Variants in LTF observed in about 807,000 individuals in gnomAD.
The protein encoded by LTF is epididymis luminal protein 110.
LTF carries 91 observed loss-of-function variants against 87.2 expected under a neutral mutation model. That is an observed-to-expected ratio of 1.04 (90% CI 0.88 to 1.24). LTF has a LOEUF of 1.24. Among genes scored for constraint, LTF ranks in the 50% most tolerant of loss-of-function variants. The probability of loss-of-function intolerance (pLI) is 0.00; values close to 1 mark genes in which losing one functional copy is unlikely to be tolerated. For synonymous variants in LTF, 378 were observed against 356.1 expected (o/e 1.06, Z -0.69); for missense variants, 901 against 904.3 (o/e 1.00, Z 0.05).
chr3:46,454,113 G>C (rs960913932), intron 6 of LTF, 192 bp downstream of exon 6: 1 of 606,320 alleles, frequency 1.6e-6, no homozygotes, highest in Non-Finnish European at 3.0e-6. Flanking sequence ...GAAGAGAAAG[G>C]CAGTAGGCAC....
chr3:46,464,459 TCCTTGAGCTAGTCGCTCAC>T (rs1420685501), intron 1 of LTF, among the ~76,000 whole-genome samples: 2 of 152,058 alleles, frequency 1.3e-5, no homozygotes, highest in Non-Finnish European at 2.9e-5. Context: ...TGGACTAGGG[TCCTTGAGCTAGTCGCTCAC>T]CCTCTCTGAG....
chr3:46,440,419 A>G (rs1702491106), intron 14 of LTF, among the ~76,000 whole-genome samples: 2 of 152,244 alleles, frequency 1.3e-5, no homozygotes, highest in Admixed American at 6.5e-5. Context: ...TACCGGAGAA[A>G]GTTAAAATTA....
rs1417177110 is a variant in LTF, at chr3:46,447,302, A to G, written c.1303+6T>C. 1 of 1,612,502 alleles carries G rather than the reference A, an allele frequency of 6.2e-7. No homozygotes were observed. The highest frequency in any genetic ancestry group is 8.5e-7 in the Non-Finnish European group (1 of 1,178,480). The stretch of plus-strand genomic sequence containing the variant: ...GAATATACCAGAGGATGCTAACTCC[A>G]CTTACTGTAGTTCTCTGCCAGGACA... On this transcript the variant is annotated splice_donor_region_variant and intron_variant, in intron 10 of 16. Transcript: ENST00000231751.
At chr3:46,439,909 CAA>C (rs10717285) in intron 14 of LTF, among the ~76,000 whole-genome samples, 2 of 145,196 alleles carry the variant, frequency 1.4e-5, no homozygotes, top group African/African-American at 2.5e-5. Context: ...GACCTCATCT[CAA>C]AAAAAAAAAC....
chr3:46,477,934 A>T, intron 1 of LTF, among the ~76,000 whole-genome samples: 1 of 152,082 alleles, frequency 6.6e-6, no homozygotes, highest in East Asian at 1.9e-4. Flanking sequence ...AGGCAAGTTC[A>T]CCCTACAGGG....
intron 13 of LTF, 39 bp from the exon 14 acceptor site, chr3:46,441,522 A>G (rs956340444): frequency 7.0e-7 from 1 of 1,429,964 alleles, no homozygotes; most frequent in Non-Finnish European, 9.8e-7. Context: ...ATTACAGAAG[A>G]GAAACTAGTG....
upstream of LTF, among the ~76,000 whole-genome samples, chr3:46,469,091 C>T (rs1170340076): frequency 1.3e-5 from 2 of 152,200 alleles, no homozygotes; most frequent in Non-Finnish European, 2.9e-5. Context: ...ATTTTAAAAT[C>T]CAAATAGTGC....
intron 4 of LTF, 44 bp downstream of exon 4, chr3:46,455,752 G>C (rs1431365843): frequency 9.2e-6 from 14 of 1,523,520 alleles, no homozygotes; most frequent in East Asian, 4.5e-5. Flanking sequence ...AACTGGAATA[G>C]AGCCCCCTGC....
chr3:46,441,165 G>C (rs1175283950), intron 14 of LTF, among the ~76,000 whole-genome samples: 1 of 132,144 alleles, frequency 7.6e-6, no homozygotes, highest in East Asian at 2.4e-4. Flanking sequence ...GTATCTGTGT[G>C]TGTGAGAGTG....
upstream of LTF, among the ~76,000 whole-genome samples, chr3:46,465,606 T>C (rs1375118577): frequency 3.3e-5 from 5 of 152,208 alleles, no homozygotes; most frequent in Non-Finnish European, 5.9e-5. Context: ...CCACTTTTTT[T>C]TTTTTTTGTC....
intron 6 of LTF, among the ~76,000 whole-genome samples, chr3:46,453,474 C>A (rs1340945479): frequency 6.6e-6 from 1 of 151,280 alleles, no homozygotes; most frequent in Non-Finnish European, 1.5e-5. Context: ...AATGCGGGGT[C>A]TGTCTCTGAT....
chr3:46,448,322 G>C (rs886384697), intron 9 of LTF, among the ~76,000 whole-genome samples: 2 of 151,174 alleles, frequency 1.3e-5, no homozygotes, highest in Non-Finnish European at 2.9e-5. Context: ...AGATGTGGTC[G>C]CACCACTGCA....
intron 13 of LTF, chr3:46,441,721 G>A: frequency 2.2e-6 from 1 of 452,504 alleles, no homozygotes. Flanking sequence ...TGCGACCCAG[G>A]AAACAGGCAA....
At chr3:46,436,967 TTG>T (rs879886239) in intron 16 of LTF, among the ~76,000 whole-genome samples, 47 of 152,238 alleles carry the variant, frequency 3.1e-4, no homozygotes, top group Non-Finnish European at 4.0e-4. Context: ...GCTTCTCACA[TTG>T]TCAAATATCC....
At chr3:46,481,398 G>A (rs564194938) in intron 1 of LTF, among the ~76,000 whole-genome samples, 2 of 152,300 alleles carry the variant, frequency 1.3e-5, no homozygotes, top group East Asian at 3.9e-4. Context: ...GTTCACACTT[G>A]TAATCCCAGC....
chr3:46,472,525 TGTGAGAGAGA>T (rs1559611699), intron 1 of LTF, among the ~76,000 whole-genome samples: 1 of 141,274 alleles, frequency 7.1e-6, no homozygotes. Context: ...TGTGTGTGTG[TGTGAGAGAGA>T]GAGAGAGAGA....
intron 9 of LTF, among the ~76,000 whole-genome samples, chr3:46,447,725 T>C (rs541362392): frequency 3.3e-5 from 5 of 152,270 alleles, no homozygotes; most frequent in African/African-American, 1.2e-4. Flanking sequence ...AGGACACAGA[T>C]GGGAACAGCT....
rs1462460887 is a variant in LTF, at chr3:46,439,351, A to G, written c.1853T>C (p.Val618Ala). 1.2e-6 allele frequency: 2 copies of G among 1,614,222 alleles called. No individual in the cohort carries two copies. Among genetic ancestry groups the G allele is most frequent in the Non-Finnish European group, 1.7e-6 (2 of 1,180,032 alleles). The change falls in exon 15 of 17, where the codon GTG becomes GCG. Residue 618 changes from valine (V) to alanine (A), a missense_variant. Physicochemically the swap from Val to Ala is moderately conservative, Grantham distance 64 (BLOSUM62 0). Transcript: ENST00000231751. ...CHLAMAPNHA[V>A]VSRMDKVERL... ...TTCCACCTTATCCATCCGAGACACC[A>G]CGGCATGATTCGGGGCCATGGCAAG...
intron 1 of LTF, among the ~76,000 whole-genome samples, chr3:46,474,576 T>C (rs1703334859): frequency 1.3e-5 from 2 of 152,184 alleles, no homozygotes; most frequent in Admixed American, 1.3e-4. Context: ...TGTAGAAGAA[T>C]TCAACAACAC....
Sources: allele counts gnomAD v4.1 joint callset (sites outside exome capture counted in the v4.1 genomes callset), GRCh38; gene constraint gnomAD v4.1.1; transcripts MANE v1.5; gene names NCBI Gene and HGNC (gene_info 2026-07-23, HGNC 2026-07-21).